PIK3C2G: variants seen among roughly 807,000 people sequenced by gnomAD.
The protein encoded by PIK3C2G is phosphatidylinositol-4-phosphate 3-kinase catalytic subunit type 2 gamma.
In PIK3C2G, 168 loss-of-function variants were observed where a neutral mutation model predicts 181.1. The ratio of observed to expected loss-of-function variants is 0.93; its 90% CI spans 0.82 to 1.05. The LOEUF is 1.05. Among genes scored for constraint, PIK3C2G ranks in the 50% least tolerant of loss-of-function variants. The probability of loss-of-function intolerance (pLI) is 0.00; values close to 1 mark genes in which losing one functional copy is unlikely to be tolerated. For missense variants in PIK3C2G, 1,869 were observed against 1,732.8 expected, an observed-to-expected ratio of 1.08 and a Z score of -1.40; for synonymous variants, 573 against 592.2, an observed-to-expected ratio of 0.97 and a Z score of 0.47.
At chr12:18,683,987 A>T in the PIK3C2G span, 1 of 1,045,520 alleles carries the variant, frequency 9.6e-7, no homozygotes, top group South Asian at 1.5e-5. Flanking sequence ...ATAATTCCAC[A>T]GAGAAAAAAT....
intron 29 of PIK3C2G, among the ~76,000 whole-genome samples, chr12:18,586,592 A>C (rs1450431985): frequency 6.6e-6 from 1 of 152,076 alleles, no homozygotes; most frequent in African/African-American, 2.4e-5. Flanking sequence ...CCTAGTAACC[A>C]AAAAAAGCCC....
At chr12:18,707,523 C>T in the PIK3C2G span, among the ~76,000 whole-genome samples, 3 of 152,108 alleles carry the variant, frequency 2.0e-5, no homozygotes. Context: ...GAAAGCCAAG[C>T]AATGTTTGCC....
At chr12:18,503,010 A>G (rs1941597343) in intron 22 of PIK3C2G, among the ~76,000 whole-genome samples, 1 of 152,204 alleles carries the variant, frequency 6.6e-6, no homozygotes, top group African/African-American at 2.4e-5. Flanking sequence ...GTCTCTGTTC[A>G]TCATCAACAT....
At chr12:18,634,946 T>C (rs1191775022) in intron 31 of PIK3C2G, among the ~76,000 whole-genome samples, 2 of 152,144 alleles carry the variant, frequency 1.3e-5, no homozygotes, top group African/African-American at 4.8e-5. Flanking sequence ...CCAATCACAT[T>C]CTTTCTAAGC....
rs766282161 is a variant in PIK3C2G, at chr12:18,282,680, T to C, written c.599T>C (p.Ile200Thr). ...AATAAAAGGAGTGGACATGTGAACATTGTGGAACCATCTTTGATGCTTTTG... is the reference window on the plus strand; with the variant it reads ...AATAAAAGGAGTGGACATGTGAACACTGTGGAACCATCTTTGATGCTTTTG... ...EENKRSGHVN[I>T]VEPSLMLLKG... Residue 200 changes from isoleucine to threonine, a missense_variant, in exon 2 of 33, where the codon ATT (isoleucine) becomes ACT (threonine). Ile to Thr is a moderately conservative substitution (Grantham distance 89). Coordinates refer to ENST00000538779, the MANE Select transcript of PIK3C2G (RefSeq NM_001288772.2). 6.2e-6 allele frequency: 10 copies of C among 1,613,362 alleles called. No homozygotes were observed. Among genetic ancestry groups the C allele is most frequent in the Non-Finnish European group, 7.6e-6 (9 of 1,179,558 alleles).
intron 8 of PIK3C2G, among the ~76,000 whole-genome samples, chr12:18,328,014 G>A (rs932670801): frequency 6.6e-6 from 1 of 151,824 alleles, no homozygotes; most frequent in African/African-American, 2.4e-5. Context: ...CTAATATGTT[G>A]TCTCCAAAAT....
the PIK3C2G span, among the ~76,000 whole-genome samples, chr12:18,692,609 A>T: frequency 1.3e-5 from 2 of 152,170 alleles, no homozygotes; most frequent in Admixed American, 6.5e-5. Context: ...AAAAGGAAGC[A>T]ATATGAGGTC....
At chr12:18,642,553 C>A (rs1378343586) in intron 32 of PIK3C2G, among the ~76,000 whole-genome samples, 1 of 152,178 alleles carries the variant, frequency 6.6e-6, no homozygotes, top group Non-Finnish European at 1.5e-5. Flanking sequence ...CCTCTCTCTG[C>A]CCTTCTCTGC....
At chr12:18,468,685 G>C (rs1033989395) in intron 18 of PIK3C2G, among the ~76,000 whole-genome samples, 2 of 152,014 alleles carry the variant, frequency 1.3e-5, no homozygotes, top group African/African-American at 4.8e-5. Context: ...TTTTTAAGCA[G>C]TAATATTCTG....
At chr12:18,540,321 G>T (rs1944085996) in intron 25 of PIK3C2G, among the ~76,000 whole-genome samples, 1 of 151,798 alleles carries the variant, frequency 6.6e-6, no homozygotes, top group African/African-American at 2.4e-5. Context: ...TTTAACAATT[G>T]CTTTAACCTG....
chr12:18,306,564 A>G (rs1489283904), intron 5 of PIK3C2G, among the ~76,000 whole-genome samples: 3 of 152,070 alleles, frequency 2.0e-5, no homozygotes, highest in Non-Finnish European at 4.4e-5. Flanking sequence ...TTAGTTGCAA[A>G]GACCAGTTTA....
intron 1 of PIK3C2G, among the ~76,000 whole-genome samples, chr12:18,270,741 C>G (rs1948713083): frequency 6.6e-6 from 1 of 152,074 alleles, no homozygotes; most frequent in African/African-American, 2.4e-5. Context: ...GTTTCATATT[C>G]TAAAAATGTA....
intron 26 of PIK3C2G, among the ~76,000 whole-genome samples, chr12:18,561,265 T>C (rs535568610): frequency 3.9e-5 from 6 of 152,342 alleles, no homozygotes; most frequent in African/African-American, 1.2e-4. Flanking sequence ...AGAGTTCAAT[T>C]GTACTATACG....
intron 4 of PIK3C2G, among the ~76,000 whole-genome samples, chr12:18,293,465 T>A (rs955994092): frequency 6.6e-5 from 10 of 152,192 alleles, no homozygotes; most frequent in Admixed American, 5.9e-4. Flanking sequence ...GAATCTTTTA[T>A]CTTGCTGATA....
At chr12:18,400,890 T>A (rs1944214910) in intron 16 of PIK3C2G, among the ~76,000 whole-genome samples, 2 of 151,954 alleles carry the variant, frequency 1.3e-5, no homozygotes, top group Admixed American at 1.3e-4. Context: ...AATATATATA[T>A]TTATATTTGT....
chr12:18,544,429 A>G (rs1254138590), intron 25 of PIK3C2G, among the ~76,000 whole-genome samples: 1 of 151,824 alleles, frequency 6.6e-6, no homozygotes, highest in Non-Finnish European at 1.5e-5. Flanking sequence ...AATTAAAGAG[A>G]TAAGGATTGG....
intron 18 of PIK3C2G, among the ~76,000 whole-genome samples, chr12:18,435,096 C>A (rs1023182903): frequency 1.3e-5 from 2 of 151,766 alleles, no homozygotes; most frequent in African/African-American, 4.8e-5. Context: ...ATATTCCTAC[C>A]CTCTACCATT....
At chr12:18,244,175 A>G (rs893413137), upstream of PIK3C2G, among the ~76,000 whole-genome samples, 1 of 152,008 alleles carries the variant, frequency 6.6e-6, no homozygotes, top group Non-Finnish European at 1.5e-5. Flanking sequence ...GAAAATGTCT[A>G]GAAGAAAAAT....
chr12:18,705,100 A>T, the PIK3C2G span: 1 of 1,573,038 alleles, frequency 6.4e-7, no homozygotes, highest in Admixed American at 1.7e-5. Context: ...TTCACAGGCC[A>T]ATATAACAGT....
Sources: gnomAD v4.1 joint callset for allele counts (sites outside exome capture counted in the v4.1 genomes callset) on GRCh38, gnomAD v4.1.1 for gene constraint, MANE v1.5 for transcripts, NCBI Gene and HGNC (gene_info 2026-07-23, HGNC 2026-07-21) for gene names.